The following EPB41L2 variants were observed in gnomAD, a reference collection of about 807,000 sequenced individuals.
The protein encoded by EPB41L2 is erythrocyte membrane protein band 4.1 like 2, also known as band 4.1-like protein 2.
Under a neutral mutation model 113.0 loss-of-function variants are expected in EPB41L2, and 43 were observed. The ratio of observed to expected loss-of-function variants is 0.38; its 90% CI spans 0.30 to 0.49. The LOEUF is 0.49. Among genes scored for constraint, EPB41L2 ranks in the 20% least tolerant of loss-of-function variants. EPB41L2 has a pLI of 0.95. For missense variants in EPB41L2, 1,147 were observed against 1,223.4 expected (o/e 0.94, Z 0.93); for synonymous variants, 442 against 436.7 (o/e 1.01, Z -0.15).
intron 1 of EPB41L2, among the ~76,000 whole-genome samples, chr6:131,049,732 T>A (rs1471326648): frequency 6.6e-6 from 1 of 152,230 alleles, no homozygotes; most frequent in Non-Finnish European, 1.5e-5. Context: ...ACTTGTTTTT[T>A]CAGTAGTATT....
chr6:130,999,428 A>C (rs1783854759), intron 1 of EPB41L2, among the ~76,000 whole-genome samples: 1 of 152,228 alleles, frequency 6.6e-6, no homozygotes, highest in African/African-American at 2.4e-5. Context: ...TCTATTATCC[A>C]AGATAACCAT....
intron 19 of EPB41L2, among the ~76,000 whole-genome samples, chr6:130,845,005 G>A (rs961799063): frequency 6.6e-6 from 1 of 152,194 alleles, no homozygotes; most frequent in African/African-American, 2.4e-5. Flanking sequence ...TCATGCCACT[G>A]CACTCCAGCC....
intron 3 of EPB41L2, among the ~76,000 whole-genome samples, chr6:130,937,523 T>TA (rs140326091): frequency 0.011 from 1,579 of 150,018 alleles, 15 homozygotes; most frequent in Non-Finnish European, 0.017. Flanking sequence ...TAAAATGCTT[T>TA]AAAAAAAAAA....
chr6:131,020,206 C>T (rs1789132083), intron 1 of EPB41L2, among the ~76,000 whole-genome samples: 1 of 152,024 alleles, frequency 6.6e-6, no homozygotes, highest in Non-Finnish European at 1.5e-5. Flanking sequence ...CCTTCTCCCA[C>T]CCTGCCCAAG....
At chr6:130,988,398 A>G (rs1781066634) in intron 1 of EPB41L2, among the ~76,000 whole-genome samples, 1 of 152,174 alleles carries the variant, frequency 6.6e-6, no homozygotes, top group Non-Finnish European at 1.5e-5. Context: ...CTTAGGGGTC[A>G]CCCCAGAGGT....
At chr6:130,852,113 G>C (rs772377641) in intron 19 of EPB41L2, among the ~76,000 whole-genome samples, 5 of 152,120 alleles carry the variant, frequency 3.3e-5, no homozygotes, top group Non-Finnish European at 4.4e-5. Flanking sequence ...GAGCAAAAAG[G>C]GTTCATGGCC....
chr6:131,049,218 A>C (rs773885668), intron 1 of EPB41L2, among the ~76,000 whole-genome samples: 1 of 152,220 alleles, frequency 6.6e-6, no homozygotes, highest in African/African-American at 2.4e-5. Flanking sequence ...TCACATTCCC[A>C]TATGTGTATA....
intron 8 of EPB41L2, among the ~76,000 whole-genome samples, chr6:130,898,969 C>T (rs1214266423): frequency 6.6e-6 from 1 of 152,090 alleles, no homozygotes; most frequent in Non-Finnish European, 1.5e-5. Flanking sequence ...GCTTTATCAC[C>T]CAGAGCCTGG....
intron 19 of EPB41L2, among the ~76,000 whole-genome samples, chr6:130,849,815 CT>C (rs1233533426): frequency 6.6e-6 from 1 of 151,970 alleles, no homozygotes; most frequent in Non-Finnish European, 1.5e-5. Context: ...ACTAGCAAAG[CT>C]TTTTTTTAAT....
At chr6:131,000,096 T>C (rs566119433) in intron 1 of EPB41L2, among the ~76,000 whole-genome samples, 1 of 152,282 alleles carries the variant, frequency 6.6e-6, no homozygotes, top group Admixed American at 6.5e-5. Flanking sequence ...CATCTCACTG[T>C]TGACCTTCCA....
chr6:130,929,036 G>A (rs1326074478), intron 3 of EPB41L2, among the ~76,000 whole-genome samples: 2 of 152,140 alleles, frequency 1.3e-5, no homozygotes, highest in Non-Finnish European at 2.9e-5. Flanking sequence ...TCTCTCCAGG[G>A]AACAGATATT....
chr6:130,856,147 T>C (rs1329372102), intron 19 of EPB41L2, among the ~76,000 whole-genome samples: 1 of 152,192 alleles, frequency 6.6e-6, no homozygotes, highest in Non-Finnish European at 1.5e-5. Context: ...ATTAAGAATA[T>C]ATGAAAAACA....
intron 6 of EPB41L2, 95 bp downstream of exon 6, chr6:130,904,370 G>A: frequency 1.3e-6 from 1 of 782,370 alleles, no homozygotes; most frequent in Non-Finnish European, 2.0e-6. Context: ...AACTGTTTTG[G>A]TTTTCAATCC....
At chr6:130,923,450 C>G (rs550294810) in intron 4 of EPB41L2, among the ~76,000 whole-genome samples, 1 of 152,294 alleles carries the variant, frequency 6.6e-6, no homozygotes, top group South Asian at 2.1e-4. Flanking sequence ...AGTCTTTCCC[C>G]TAGCCTAATC....
chr6:131,040,540 A>C (rs1165595657), intron 1 of EPB41L2, among the ~76,000 whole-genome samples: 1 of 152,196 alleles, frequency 6.6e-6, no homozygotes, highest in Non-Finnish European at 1.5e-5. Context: ...CAAAGAGATA[A>C]CTGATTCAGG....
rs746430771 is a variant in EPB41L2, at chr6:130,867,462, T to G, written c.2727A>C (p.Pro909=). ...TETKTITYES[P]QIDGGAGGDS... The stretch of plus-strand genomic sequence containing the variant: ...TCCAAGTCTAGAGCTTTTGTACCTG[T>G]GGAGACTCATATGTGATGGTTTTGG... Residue 909 remains proline, a synonymous_variant, in exon 16 of 20, where the codon CCA becomes CCC. Transcript: ENST00000337057. The G allele has an allele frequency of 6.2e-7, 1 of 1,613,936 alleles. No homozygotes were observed. Among genetic ancestry groups the G allele is most frequent in the Non-Finnish European group, 8.5e-7 (1 of 1,179,862 alleles).
rs78169698 is a variant in EPB41L2 at position 131,055,552 on chromosome 6, A to T, written c.-15+7603T>A. Among the ~76,000 whole-genome samples, 548 of 152,330 alleles carry T rather than the reference A, an allele frequency of 3.6e-3. 2 individuals carry two copies. The highest frequency in any genetic ancestry group is 0.013 in the African/African-American group (532 of 41,580). ...GGAAAGCAATCCTGTCTTTTATAAAAGTTAGATACTGCAGATGCCAACAAA... is the reference window on the plus strand; with the variant it reads ...GGAAAGCAATCCTGTCTTTTATAAATGTTAGATACTGCAGATGCCAACAAA... On this transcript the variant is annotated intron_variant, in intron 1 of 19. Coordinates refer to ENST00000337057, the MANE Select transcript of EPB41L2 (RefSeq NM_001431.4).
chr6:130,871,527 A>T (rs768558789), intron 14 of EPB41L2, among the ~76,000 whole-genome samples: 2 of 152,168 alleles, frequency 1.3e-5, no homozygotes, highest in Non-Finnish European at 2.9e-5. Context: ...ACACTTGGAC[A>T]ACCATGAGCT....
In EPB41L2 at chr6:130,956,314, T is replaced by G; in HGVS notation, c.172A>C (p.Ser58Arg). 1 of 1,614,184 alleles carries G rather than the reference T, an allele frequency of 6.2e-7. No homozygotes were observed. Among genetic ancestry groups the G allele is most frequent in the Non-Finnish European group, 8.5e-7 (1 of 1,180,024 alleles). Residue 58 changes from serine (S) to arginine (R), a missense_variant, in exon 2 of 20, where the codon AGT (serine) becomes CGT (arginine). Coordinates refer to ENST00000337057, the MANE Select transcript of EPB41L2 (RefSeq NM_001431.4). ...QPPPAAESQS[S>R]LRRQKREKET... ...TTCTCTCTCTTCTGGCGGCGTAGAC[T>G]ACTTTGGCTTTCAGCTGCAGGAGGT... is the stretch of plus-strand genomic sequence containing the variant.
Sources: gnomAD v4.1 joint callset for allele counts (sites outside exome capture counted in the v4.1 genomes callset) on GRCh38, gnomAD v4.1.1 for gene constraint, MANE v1.5 for transcripts, NCBI Gene and HGNC (gene_info 2026-07-23, HGNC 2026-07-21) for gene names.